UNC5D: variants seen among roughly 807,000 people sequenced by gnomAD.
UNC5D encodes unc-5 netrin receptor D, also known as netrin receptor UNC5D.
In UNC5D, 39 loss-of-function variants were observed where a neutral mutation model predicts 105.4. The ratio of observed to expected loss-of-function variants is 0.37; its 90% confidence interval spans 0.29 to 0.48. The LOEUF (loss-of-function observed/expected upper bound fraction) is 0.48. Ranked by LOEUF, UNC5D falls within the 20% of genes least tolerant of loss-of-function variation. The pLI, the probability that UNC5D is intolerant of heterozygous loss-of-function variation, is 0.98. For synonymous variants in UNC5D, 452 were observed against 450.4 expected (o/e 1.00, Z -0.04); for missense variants, 991 against 1,202.4 (o/e 0.82, Z 2.60).
intron 13 of UNC5D, among the ~76,000 whole-genome samples, chr8:35,751,600 T>A (rs1830284757): frequency 1.3e-5 from 2 of 152,188 alleles, no homozygotes; most frequent in African/African-American, 4.8e-5. Flanking sequence ...TTAGGTCAGA[T>A]CTCTTTCACT....
In UNC5D at chr8:35,549,329, A is replaced by G. The variant is rs767290138; in HGVS notation, c.141A>G (p.Pro47=). Residue 47 remains proline, a synonymous_variant, in exon 2 of 17, where the codon CCA becomes CCG. Coordinates refer to ENST00000404895, the MANE Select transcript of UNC5D (RefSeq NM_080872.4). ...DNGEALPESI[P]SAPGTLPHFI... ...GCGAAGCCCTTCCCGAATCCATCCC[A>G]TCAGCTCCTGGGACACTGCCTCATT... 37 of 1,613,442 alleles carry G rather than the reference A, an allele frequency of 2.3e-5. No individual in the cohort carries two copies. The highest frequency in any genetic ancestry group is 3.1e-5 in the Non-Finnish European group (37 of 1,180,040).
intron 1 of UNC5D, among the ~76,000 whole-genome samples, chr8:35,506,193 T>C (rs1447780164): frequency 6.6e-6 from 1 of 152,212 alleles, no homozygotes; most frequent in Non-Finnish European, 1.5e-5. Context: ...GTGTTGACTA[T>C]ACATACAAGC....
intron 1 of UNC5D, among the ~76,000 whole-genome samples, chr8:35,462,340 C>T (rs1045153100): frequency 5.3e-5 from 8 of 152,114 alleles, no homozygotes; most frequent in East Asian, 1.9e-4. Context: ...GACTTACCCA[C>T]GTGCTTAAAT....
At chr8:35,753,968 G>A (rs1416827020) in intron 13 of UNC5D, among the ~76,000 whole-genome samples, 3 of 152,136 alleles carry the variant, frequency 2.0e-5, no homozygotes, top group African/African-American at 7.2e-5. Flanking sequence ...TGTGTTCAAG[G>A]CCTTCTGCAG....
intron 2 of UNC5D, among the ~76,000 whole-genome samples, chr8:35,560,807 T>C (rs1482083327): frequency 1.3e-5 from 2 of 152,196 alleles, no homozygotes; most frequent in Admixed American, 6.5e-5. Flanking sequence ...AGTTGTTTTA[T>C]ATGCACTTTG....
At chr8:35,742,451 A>G (rs991683058) in intron 11 of UNC5D, among the ~76,000 whole-genome samples, 1 of 152,174 alleles carries the variant, frequency 6.6e-6, no homozygotes, top group Non-Finnish European at 1.5e-5. Context: ...CCATTCAAAT[A>G]TGACTTAATT....
chr8:35,641,949 A>C (rs1284325057), intron 4 of UNC5D, among the ~76,000 whole-genome samples: 1 of 152,098 alleles, frequency 6.6e-6, no homozygotes, highest in Non-Finnish European at 1.5e-5. Flanking sequence ...ACTATTGAAT[A>C]CCCTGAAAAT....
At chr8:35,275,443 G>A (rs1805710868) in intron 1 of UNC5D, among the ~76,000 whole-genome samples, 2 of 152,128 alleles carry the variant, frequency 1.3e-5, no homozygotes, top group Non-Finnish European at 2.9e-5. Flanking sequence ...GTGGCAAAAT[G>A]TGTCTTTCAT....
chr8:35,649,616 AC>A (rs1340876296), intron 4 of UNC5D, among the ~76,000 whole-genome samples: 1 of 152,166 alleles, frequency 6.6e-6, no homozygotes, highest in East Asian at 1.9e-4. Flanking sequence ...CCTGGAAAAC[AC>A]CACCTGAACC....
intron 7 of UNC5D, among the ~76,000 whole-genome samples, chr8:35,690,421 G>T (rs1826310016): frequency 6.6e-6 from 1 of 152,182 alleles, no homozygotes; most frequent in Middle Eastern, 3.4e-3. Flanking sequence ...TTGAGTCCAA[G>T]AGTTCAAGAC....
chr8:35,619,375 G>T (rs1295541629), intron 4 of UNC5D, among the ~76,000 whole-genome samples: 1 of 152,146 alleles, frequency 6.6e-6, no homozygotes, highest in Non-Finnish European at 1.5e-5. Context: ...GGTTGCCCAG[G>T]AAGTTCAATT....
At position 35,794,553 on chromosome 8, in the gene UNC5D, T is replaced by C. The variant is rs931711198; in HGVS notation, c.*3990T>C. On this transcript the variant is annotated 3_prime_UTR_variant, in exon 17 of 17. Transcript: ENST00000404895. ...ATCGATGCTTTAGCCAAAAGCTGAA[T>C]GACCACCGTTTCCGTAGTTTCCACT... is the stretch of plus-strand genomic sequence containing the variant. 1.3e-5 allele frequency: 2 copies of C among 152,622 alleles called. No homozygotes were observed. Among genetic ancestry groups the C allele is most frequent in the African/African-American group, 4.8e-5 (2 of 41,448 alleles). 9.5% of individuals were successfully genotyped at this position (152,622 alleles called of 1,614,324 possible).
chr8:35,630,442 G>A (rs768038413), intron 4 of UNC5D, among the ~76,000 whole-genome samples: 2 of 152,190 alleles, frequency 1.3e-5, no homozygotes, highest in Non-Finnish European at 2.9e-5. Flanking sequence ...TGTCCGGACT[G>A]GCTATACCTG....
At chr8:35,249,559 A>AAATAAT (rs148177480) in intron 1 of UNC5D, among the ~76,000 whole-genome samples, 6,722 of 142,502 alleles carry the variant, frequency 0.047, 181 homozygotes, top group Non-Finnish European at 0.058. Flanking sequence ...CTCTGTCTCA[A>AAATAAT]AATAATAATA....
intron 4 of UNC5D, among the ~76,000 whole-genome samples, chr8:35,671,319 C>T (rs914196349): frequency 1.3e-5 from 2 of 152,162 alleles, no homozygotes; most frequent in East Asian, 1.9e-4. Flanking sequence ...AATCTGTTGA[C>T]TCCTTTTCAA....
intron 1 of UNC5D, among the ~76,000 whole-genome samples, chr8:35,290,584 C>A (rs1406952863): frequency 6.6e-6 from 1 of 152,040 alleles, no homozygotes; most frequent in Non-Finnish European, 1.5e-5. Flanking sequence ...AGCAAGGCAT[C>A]TATAGTCAAT....
At chr8:35,701,497 T>C (rs1251464021) in intron 7 of UNC5D, among the ~76,000 whole-genome samples, 1 of 152,062 alleles carries the variant, frequency 6.6e-6, no homozygotes, top group African/African-American at 2.4e-5. Context: ...AAATAGCTGC[T>C]AAGAACAATG....
At chr8:35,597,176 G>T (rs2130908337) in intron 4 of UNC5D, among the ~76,000 whole-genome samples, 1 of 152,194 alleles carries the variant, frequency 6.6e-6, no homozygotes, top group East Asian at 1.9e-4. Flanking sequence ...CATGCTGGGT[G>T]GACACTATTC....
intron 1 of UNC5D, among the ~76,000 whole-genome samples, chr8:35,345,309 G>A (rs1161133952): frequency 6.6e-6 from 1 of 151,680 alleles, no homozygotes; most frequent in Non-Finnish European, 1.5e-5. Flanking sequence ...CATCGGCAGA[G>A]AAAATAACAC....
Sources: gnomAD v4.1 joint callset for allele counts (sites outside exome capture counted in the v4.1 genomes callset) on GRCh38, gnomAD v4.1.1 for gene constraint, MANE v1.5 for transcripts, NCBI Gene and HGNC (gene_info 2026-07-23, HGNC 2026-07-21) for gene names.